DNAH2: variants seen among roughly 807,000 people sequenced by gnomAD.
DNAH2 encodes the protein axonemal beta dynein heavy chain 2.
Under a neutral mutation model 523.5 loss-of-function variants are expected in DNAH2, and 323 were observed. The observed-to-expected ratio is 0.62, with a 90% CI of 0.56 to 0.68. The LOEUF (loss-of-function observed/expected upper bound fraction) is 0.68, where lower values mean the gene tolerates loss of function less well. Among genes scored for constraint, DNAH2 ranks in the 30% least tolerant of loss-of-function variants. The pLI is 0.00. For missense variants in DNAH2, 4,907 were observed against 5,701.5 expected (o/e 0.86, Z 4.49); for synonymous variants, 2,093 against 2,177.4 (o/e 0.96, Z 1.08).
At chr17:7,753,764 A>G (rs1406764404) in intron 12 of DNAH2, among the ~76,000 whole-genome samples, 1 of 150,644 alleles carries the variant, frequency 6.6e-6, no homozygotes, top group African/African-American at 2.4e-5. Flanking sequence ...CCTGGCCAAC[A>G]TGACGAAACC....
intron 12 of DNAH2, chr17:7,743,423 T>C: frequency 1.5e-6 from 1 of 688,236 alleles, no homozygotes; most frequent in South Asian, 1.5e-5. Context: ...CCCAGCACTT[T>C]GGGAGGCTGA....
intron 10 of DNAH2, 71 bp downstream of exon 10, chr17:7,740,620 C>T: frequency 6.3e-7 from 1 of 1,588,588 alleles, no homozygotes; most frequent in Non-Finnish European, 8.5e-7. Context: ...TTCCGGAGGC[C>T]CTCCTGCCTC....
intron 77 of DNAH2, among the ~76,000 whole-genome samples, chr17:7,826,319 G>A (rs954922150): frequency 2.0e-5 from 3 of 152,008 alleles, no homozygotes; most frequent in South Asian, 2.1e-4. Flanking sequence ...GTGAGCCACC[G>A]TGCCCAGCCT....
At position 7,781,150 on chromosome 17, in the gene DNAH2, G is replaced by A. The variant is rs1195763413; in HGVS notation, c.6112G>A (p.Val2038Ile). Residue 2038 changes from valine (V) to isoleucine (I), a missense_variant, in exon 39 of 86, where the codon GTC (valine) becomes ATC (isoleucine). Val to Ile is a conservative substitution (Grantham distance 29). Around this residue, in one of 3 missense-constraint regions of DNAH2, gnomAD observed 2,806 missense variants for 3,190.8 expected, o/e 0.88. Transcript: ENST00000572933. ...QDLFPNIELP[V>I]IDYGKLRETV... ...TCTGTTTCCCAACATTGAGCTGCCTGTCATTGACTATGGCAAGGTATTTGT... is the reference window on the plus strand; with the variant it reads ...TCTGTTTCCCAACATTGAGCTGCCTATCATTGACTATGGCAAGGTATTTGT... The A allele has an allele frequency of 6.2e-7, 1 of 1,614,078 alleles. No individual in the cohort carries two copies. The highest frequency in any genetic ancestry group is 1.7e-5 in the Admixed American group (1 of 60,006).
At position 7,727,261 on chromosome 17, in the gene DNAH2, G is replaced by A. The variant is rs1490137686; in HGVS notation, c.368G>A (p.Gly123Glu). The A allele has an allele frequency of 6.2e-7, 1 of 1,611,738 alleles. No homozygotes were observed. The highest frequency in any genetic ancestry group is 1.3e-5 in the African/African-American group (1 of 74,748). ...ACCATCTTCATTGACCCTTGTTTTGGGCTGAAGCTAGAGCTGGGCATGCCT... is the reference window on the plus strand; with the variant it reads ...ACCATCTTCATTGACCCTTGTTTTGAGCTGAAGCTAGAGCTGGGCATGCCT... ...ILTIFIDPCF[G>E]LKLELGMPVQ... is the part of the protein sequence containing the mutation. The change falls in exon 4 of 86, where the codon GGG becomes GAG. Residue 123 changes from glycine to glutamate, a missense_variant. Gly to Glu is a moderately conservative substitution (Grantham distance 98). Around this residue, in one of 3 missense-constraint regions of DNAH2, gnomAD observed 2,806 missense variants for 3,190.8 expected, o/e 0.88. Transcript: ENST00000572933.
intron 63 of DNAH2, among the ~76,000 whole-genome samples, chr17:7,812,767 C>CAAAAAA (rs59534940): frequency 1.7e-4 from 4 of 23,820 alleles, no homozygotes; most frequent in Non-Finnish European, 2.1e-4. Context: ...CTAAAAATAC[C>CAAAAAA]AAAAAAAAAA....
chr17:7,789,572 G>A (rs1460985165), intron 44 of DNAH2, among the ~76,000 whole-genome samples: 1 of 143,468 alleles, frequency 7.0e-6, no homozygotes, highest in Non-Finnish European at 1.5e-5. Context: ...TAGGATTGAG[G>A]AATACTCTTT....
chr17:7,727,237 C>T lies in DNAH2; in HGVS notation c.344C>T (p.Thr115Ile). 1 of 1,612,084 alleles carries T rather than the reference C, an allele frequency of 6.2e-7. No individual in the cohort carries two copies. The highest frequency in any genetic ancestry group is 8.5e-7 in the Non-Finnish European group (1 of 1,179,156). The change falls in exon 4 of 86, where the codon ACC becomes ATC. Residue 115 changes from threonine to isoleucine, a missense_variant. Physicochemically the swap from Thr to Ile is moderately conservative, Grantham distance 89. This residue lies in a region of DNAH2 where 2,806 missense variants were observed against 3,190.8 expected (regional missense o/e 0.88). Transcript: ENST00000572933. ...CAGGACCCTACAGAATCCATCCTCA[C>T]CATCTTCATTGACCCTTGTTTTGGG... is the stretch of plus-strand genomic sequence containing the variant. ...FAQDPTESILTIFIDPCFGLK... is the reference protein window; with the variant it reads ...FAQDPTESILIIFIDPCFGLK...
At position 7,754,372 on chromosome 17, in the gene DNAH2, A is replaced by G. The variant is rs1256568922; in HGVS notation, c.1905-2719A>G. On this transcript the variant is annotated intron_variant, in intron 12 of 85. Transcript: ENST00000572933. This position sits in a 1 kb window ranked among gnomAD's most constrained non-coding sequence, Gnocchi z 4.6. ...GGCTTCCGGTTCTAGGTGCTTCAGG[A>G]GCCGTGGCTTAAGGTGCAGACATGG... 1.3e-5 allele frequency: 7 copies of G among 520,734 alleles called. No individual in the cohort carries two copies. Among genetic ancestry groups the G allele is most frequent in the Non-Finnish European group, 2.4e-5 (7 of 294,714 alleles). The allele number at this position is 520,734 out of a possible 1,614,324, so 32.3% of individuals were successfully genotyped here. A position where few individuals can be genotyped will look rare whatever the true frequency, so the allele number is the denominator to read the frequency against.
chr17:7,735,366 G>A (rs1169048490), intron 7 of DNAH2, among the ~76,000 whole-genome samples: 2 of 152,208 alleles, frequency 1.3e-5, no homozygotes, highest in African/African-American at 4.8e-5. Context: ...CCTGACCTCG[G>A]TGATCCACCC....
In DNAH2 at chr17:7,719,763, G is replaced by A. The variant is rs2074540491; in HGVS notation, c.29G>A (p.Arg10Gln). ...TCCAGCAAAGCTGAGAAGAAGCAGC[G>A]ATTGAGTGGCCGAGGAAGCTCCCAG... Reference protein sequence around the residue: MSSKAEKKQRLSGRGSSQAS... With the variant: MSSKAEKKQQLSGRGSSQAS... The change falls in exon 2 of 86, where the codon CGA (arginine) becomes CAA (glutamine). Residue 10 changes from arginine (R) to glutamine (Q), a missense_variant. Physicochemically the swap from Arg to Gln is conservative, Grantham distance 43 (BLOSUM62 1). Around this residue, in one of 3 missense-constraint regions of DNAH2, gnomAD observed 2,806 missense variants for 3,190.8 expected, o/e 0.88. Transcript: ENST00000572933. The A allele has an allele frequency of 5.0e-6, 8 of 1,614,202 alleles. No homozygotes were observed. Among genetic ancestry groups the A allele is most frequent in the Non-Finnish European group, 6.8e-6 (8 of 1,180,036 alleles).
At chr17:7,776,189 G>A in intron 31 of DNAH2, 40 bp downstream of exon 31, 1 of 1,605,138 alleles carries the variant, frequency 6.2e-7, no homozygotes, top group South Asian at 1.1e-5. Flanking sequence ...CAAGGGGCTG[G>A]GCACGGTGGC....
intron 8 of DNAH2, 76 bp downstream of exon 8, chr17:7,737,334 G>A (rs1248293955): frequency 1.9e-5 from 28 of 1,470,580 alleles, no homozygotes; most frequent in East Asian, 9.1e-5. Flanking sequence ...GAATGCATTC[G>A]GCAGAGGATC....
chr17:7,719,304 T>A (rs959781723), intron 1 of DNAH2, among the ~76,000 whole-genome samples: 3 of 152,090 alleles, frequency 2.0e-5, no homozygotes, highest in African/African-American at 7.2e-5. Context: ...ATTTTTTGTA[T>A]TTTTAGTAGA....
chr17:7,775,928 A>G, intron 30 of DNAH2, 96 bp from the exon 31 acceptor site: 1 of 1,514,134 alleles, frequency 6.6e-7, no homozygotes, highest in Non-Finnish European at 9.0e-7. Flanking sequence ...TCTGGGTACA[A>G]AGCCCTGAAG....
At position 7,830,705 on chromosome 17, in the gene DNAH2, ACCT is replaced by A. The variant is rs1401403999; in HGVS notation, c.12094_12096del (p.Pro4032del). On this transcript the variant is annotated inframe_deletion, in exon 79 of 86. Coordinates refer to ENST00000572933, the MANE Select transcript of DNAH2 (RefSeq NM_020877.5). ...TCTATCTCGATGAGTACGAGGAGAC[ACCT>A]TGGGACGCACTTAAGTACCTCATTG... The A allele has an allele frequency of 1.9e-6, 3 of 1,614,182 alleles. No homozygotes were observed. Among genetic ancestry groups the A allele is most frequent in the Non-Finnish European group, 2.5e-6 (3 of 1,180,034 alleles).
At chr17:7,730,470 G>A (rs1033724484) in intron 4 of DNAH2, among the ~76,000 whole-genome samples, 3 of 152,150 alleles carry the variant, frequency 2.0e-5, no homozygotes, top group African/African-American at 7.2e-5. Context: ...AAATGCAGAA[G>A]GAACTGAATC....
rs775567898 is a variant in DNAH2 at position 7,817,936 on chromosome 17, T to C, written c.10237-10T>C. 19 of 1,613,982 alleles carry C rather than the reference T, an allele frequency of 1.2e-5. No homozygotes were observed. The Admixed American group carries it at 2.3e-4, about 20-fold the overall frequency. On this transcript the variant is annotated splice_polypyrimidine_tract_variant and intron_variant, in intron 67 of 85. Coordinates refer to ENST00000572933, the MANE Select transcript of DNAH2 (RefSeq NM_020877.5). ...CGTAGTGTTCCTTCACCTTCCCCCT[T>C]GCTCTCTAGGGCCTGAAGATCATCG... is the stretch of plus-strand genomic sequence containing the variant.
intron 18 of DNAH2, among the ~76,000 whole-genome samples, chr17:7,763,036 C>T (rs1165968167): frequency 2.0e-5 from 3 of 151,930 alleles, no homozygotes; most frequent in East Asian, 1.9e-4. Context: ...AGTGCAGTGG[C>T]GCCATCTTGG....
Sources: allele counts gnomAD v4.1 joint callset (sites outside exome capture counted in the v4.1 genomes callset), GRCh38; gene constraint gnomAD v4.1.1; regional missense constraint gnomAD v4.1.1; non-coding constraint Gnocchi (gnomAD v3.1); transcripts MANE v1.5; gene names NCBI Gene and HGNC (gene_info 2026-07-23, HGNC 2026-07-21).